COL4A1: variants seen among roughly 807,000 people sequenced by gnomAD.
The protein encoded by COL4A1 is collagen type IV alpha 1 chain, also known as collagen alpha-1(IV) chain.
COL4A1 carries 40 observed loss-of-function variants against 216.6 expected under a neutral mutation model. The observed-to-expected ratio is 0.18, with a 90% CI of 0.14 to 0.24. The LOEUF (loss-of-function observed/expected upper bound fraction) is 0.24. Ranked by LOEUF, COL4A1 falls within the 10% of genes least tolerant of loss-of-function variation. COL4A1 has a pLI of 1.00. For missense variants in COL4A1, 1,628 were observed against 2,196.8 expected (o/e 0.74, Z 5.18); for synonymous variants, 839 against 810.7 (o/e 1.03, Z -0.59).
intron 1 of COL4A1, among the ~76,000 whole-genome samples, chr13:110,255,974 C>T (rs1234446864): frequency 6.6e-6 from 1 of 151,562 alleles, no homozygotes; most frequent in African/African-American, 2.4e-5. Context: ...TATCTTATGA[C>T]AGGAGAAGGT....
In COL4A1 at chr13:110,222,502, G is replaced by A. The variant is rs931619686; in HGVS notation, c.145-8487C>T. 8.8e-5 allele frequency among the ~76,000 whole-genome samples: 12 copies of A among 136,578 alleles called. 1 individual carries two copies. The highest frequency in any genetic ancestry group is 1.7e-4 in the Non-Finnish European group (10 of 60,536). The allele number at this position is 136,578 out of a possible 152,430, so 89.6% of individuals were successfully genotyped here. On this transcript the variant is annotated intron_variant, in intron 2 of 51. Coordinates refer to ENST00000375820, the MANE Select transcript of COL4A1 (RefSeq NM_001845.6). ...ATTAAGGCTTTTTCAGGCCGGGCGC[G>A]GTGGCTCACGCCTGTAATCCTAGCA...
At position 110,169,684 on chromosome 13, in the gene COL4A1, G is replaced by C. The variant is rs780605493; in HGVS notation, c.3821C>G (p.Pro1274Arg). 2 of 1,614,108 alleles carry C rather than the reference G, an allele frequency of 1.2e-6. No homozygotes were observed. The highest frequency in any genetic ancestry group is 3.3e-5 in the Admixed American group (2 of 60,028). Residue 1274 changes from proline to arginine, a missense_variant, in exon 43 of 52, where the codon CCA (proline) becomes CGA (arginine). This residue lies in a region of COL4A1 where 345 missense variants were observed against 476.9 expected (regional missense o/e 0.72). Transcript: ENST00000375820. ...GGGCCCTGGGACACCGGGTGCTCCT[G>C]GCCAGCCTGGATTTCCTTTGTCACC... ...VKGDKGNPGW[P>R]GAPGVPGPKG...
chr13:110,234,859 T>C (rs1594609258), intron 2 of COL4A1, among the ~76,000 whole-genome samples: 2 of 152,218 alleles, frequency 1.3e-5, no homozygotes, highest in East Asian at 1.9e-4. Flanking sequence ...CTAGACACTA[T>C]TGTCTCTCAG....
chr13:110,195,333 C>T (rs1046962374), intron 21 of COL4A1, among the ~76,000 whole-genome samples: 4 of 152,244 alleles, frequency 2.6e-5, no homozygotes, highest in Non-Finnish European at 4.4e-5. Flanking sequence ...CAAGCCATCA[C>T]TGCCAACATT....
chr13:110,150,371 T>A lies in COL4A1; in HGVS notation c.5002A>T (p.Arg1668Ter). The change falls in exon 52 of 52, where the codon AGA (arginine) becomes TGA (stop). Residue 1668 changes from arginine to a stop codon, truncating the protein, a stop_gained. Coordinates refer to ENST00000375820, the MANE Select transcript of COL4A1 (RefSeq NM_001845.6). LOFTEE classifies it high-confidence loss of function. ...AGCTGAGTCAGGCTTCATTATGTTC[T>A]TCTCATACAGACTTGGCAGCGGCTG... ...HVSRCQVCMR[R>*]T 6.2e-7 allele frequency: 1 copy of A among 1,613,976 alleles called. No homozygotes were observed.
At position 110,198,645 on chromosome 13, in the gene COL4A1, G is replaced by C. The variant is rs764286967; in HGVS notation, c.1121-14C>G. 5 of 1,613,890 alleles carry C rather than the reference G, an allele frequency of 3.1e-6. No individual in the cohort carries two copies. The South Asian group carries it at 4.4e-5, about 14-fold the overall frequency. On this transcript the variant is annotated splice_polypyrimidine_tract_variant and intron_variant, in intron 20 of 51. Transcript: ENST00000375820. ...GTACAGGGAGGCCTGCAACCAGACA[G>C]AAGCTCACATCAGTAACCTCAGGGC...
chr13:110,249,513 G>A (rs1190523841), intron 1 of COL4A1, among the ~76,000 whole-genome samples: 1 of 152,102 alleles, frequency 6.6e-6, no homozygotes. Flanking sequence ...AGGCACAAAA[G>A]AAGACAAACT....
At chr13:110,200,935 G>A (rs778584375) in intron 19 of COL4A1, 46 bp from the exon 20 acceptor site, 22 of 1,591,938 alleles carry the variant, frequency 1.4e-5, no homozygotes, top group South Asian at 4.4e-5. Flanking sequence ...CAGTTCACCC[G>A]TTTGTATACA....
chr13:110,158,041 G>C (rs889580588), intron 49 of COL4A1, among the ~76,000 whole-genome samples: 1 of 152,288 alleles, frequency 6.6e-6, no homozygotes, highest in South Asian at 2.1e-4. Context: ...GCTAAAAAAA[G>C]AAACCCACAA....
intron 43 of COL4A1, among the ~76,000 whole-genome samples, chr13:110,168,480 G>A (rs1877446981): frequency 6.6e-6 from 1 of 152,190 alleles, no homozygotes; most frequent in Non-Finnish European, 1.5e-5. Flanking sequence ...ACACAGCTTT[G>A]AGGACAAGGA....
At chr13:110,172,298 G>A (rs1456970278) in intron 41 of COL4A1, among the ~76,000 whole-genome samples, 1 of 152,232 alleles carries the variant, frequency 6.6e-6, no homozygotes, top group Admixed American at 6.5e-5. Context: ...ACTCTCAGCT[G>A]CACTTAGTAC....
intron 40 of COL4A1, 107 bp downstream of exon 40, chr13:110,173,793 C>T (rs1877750927): frequency 7.7e-7 from 1 of 1,294,058 alleles, no homozygotes; most frequent in Non-Finnish European, 1.1e-6. Context: ...GATGTGCAGT[C>T]TAGGGGCCAT....
chr13:110,169,074 C>A (rs1877481321), intron 43 of COL4A1, among the ~76,000 whole-genome samples: 1 of 151,562 alleles, frequency 6.6e-6, no homozygotes, highest in African/African-American at 2.4e-5. Flanking sequence ...CACAAGGCTG[C>A]TGGTCACTTA....
chr13:110,180,828 G>A (rs1249299855), intron 29 of COL4A1, among the ~76,000 whole-genome samples: 1 of 152,184 alleles, frequency 6.6e-6, no homozygotes, highest in African/African-American at 2.4e-5. Flanking sequence ...TGACCCATAG[G>A]TGGAGGGAGG....
At chr13:110,163,686 G>A (rs1877190955) in intron 46 of COL4A1, 125 bp from the exon 47 acceptor site, 7 of 933,186 alleles carry the variant, frequency 7.5e-6, no homozygotes, top group South Asian at 1.4e-5. Context: ...AGATGAGAAC[G>A]TTTTCTCGGA....
At chr13:110,232,914 G>T (rs1282617573) in intron 2 of COL4A1, among the ~76,000 whole-genome samples, 5 of 152,146 alleles carry the variant, frequency 3.3e-5, no homozygotes, top group Admixed American at 2.6e-4. Flanking sequence ...ACAGCGCATG[G>T]CAAAAGGGCA....
intron 1 of COL4A1, among the ~76,000 whole-genome samples, chr13:110,247,482 C>T (rs1374168714): frequency 1.3e-5 from 2 of 152,038 alleles, no homozygotes; most frequent in Admixed American, 6.6e-5. Context: ...CTTTCATGCT[C>T]CAATTAAGAT....
At chr13:110,158,418 C>A (rs1876895633) in intron 49 of COL4A1, among the ~76,000 whole-genome samples, 1 of 152,186 alleles carries the variant, frequency 6.6e-6, no homozygotes, top group Admixed American at 6.5e-5. Flanking sequence ...TTCCCCCAAA[C>A]AGGGCATGTT....
At chr13:110,264,300 G>A (rs1882940846) in intron 1 of COL4A1, among the ~76,000 whole-genome samples, 1 of 152,174 alleles carries the variant, frequency 6.6e-6, no homozygotes, top group South Asian at 2.1e-4. Flanking sequence ...TCAGAACCCT[G>A]TTTGCCATTC....
Sources: allele counts gnomAD v4.1 joint callset (sites outside exome capture counted in the v4.1 genomes callset), GRCh38; gene constraint gnomAD v4.1.1; regional missense constraint gnomAD v4.1.1; transcripts MANE v1.5; gene names NCBI Gene and HGNC (gene_info 2026-07-23, HGNC 2026-07-21).